Variants in CLSTN2 observed in about 807,000 individuals in gnomAD.
CLSTN2 encodes the protein calsyntenin-2.
CLSTN2 carries 48 observed loss-of-function variants against 101.2 expected under a neutral mutation model. The ratio of observed to expected loss-of-function variants is 0.47; its 90% confidence interval spans 0.38 to 0.60. CLSTN2 has a LOEUF of 0.60. CLSTN2 is among the 20% of genes least tolerant of loss of function. The pLI is 0.00. For missense variants in CLSTN2, 1,160 were observed against 1,238.2 expected (o/e 0.94, Z 0.95); for synonymous variants, 481 against 463.6 (o/e 1.04, Z -0.48).
At chr3:140,314,448 G>A (rs1276304232) in intron 2 of CLSTN2, among the ~76,000 whole-genome samples, 1 of 152,038 alleles carries the variant, frequency 6.6e-6, no homozygotes, top group Non-Finnish European at 1.5e-5. Context: ...CCGTTATACT[G>A]GATGAGAGCT....
At chr3:140,169,605 G>C (rs2010182805) in intron 1 of CLSTN2, among the ~76,000 whole-genome samples, 1 of 152,024 alleles carries the variant, frequency 6.6e-6, no homozygotes, top group Non-Finnish European at 1.5e-5. Flanking sequence ...ATAGGTTTTT[G>C]TAAAAGTTCT....
intron 2 of CLSTN2, among the ~76,000 whole-genome samples, chr3:140,273,357 A>T (rs2086762419): frequency 6.6e-6 from 1 of 152,110 alleles, no homozygotes; most frequent in Non-Finnish European, 1.5e-5. Flanking sequence ...CTGCACATGT[A>T]TCTGGAACTT....
intron 2 of CLSTN2, among the ~76,000 whole-genome samples, chr3:140,208,803 C>T (rs960011952): frequency 5.3e-5 from 8 of 152,022 alleles, no homozygotes; most frequent in East Asian, 1.9e-4. Context: ...ACATAAAGGC[C>T]GTGTGACTTG....
At chr3:140,160,138 C>T (rs1303333973) in intron 1 of CLSTN2, among the ~76,000 whole-genome samples, 2 of 151,990 alleles carry the variant, frequency 1.3e-5, no homozygotes, top group Admixed American at 6.6e-5. Flanking sequence ...CAAACCTGCA[C>T]ATATACCCCG....
Position 139,935,962 on chromosome 3 carries a change from C to T in CLSTN2, c.109+479C>T, listed in dbSNP as rs954943963. On this transcript the variant is annotated intron_variant, in intron 1 of 16. Transcript: ENST00000458420. This position sits in a 1 kb window ranked among gnomAD's most constrained non-coding sequence, Gnocchi z 5.5. ...AACTTGTAGGCTCCAGGGAAGGCCC[C>T]GCTGACACTCCTCAAGCTCCCCCAG... Among the ~76,000 whole-genome samples the T allele has an allele frequency of 1.3e-5, 2 of 151,984 alleles. No individual in the cohort carries two copies. The highest frequency in any genetic ancestry group is 4.8e-5 in the African/African-American group (2 of 41,360).
chr3:140,168,670 TG>T (rs1436122915), intron 1 of CLSTN2, among the ~76,000 whole-genome samples: 1 of 152,138 alleles, frequency 6.6e-6, no homozygotes, highest in African/African-American at 2.4e-5. Context: ...AGATAATTTT[TG>T]TTTGTATAGC....
chr3:140,318,232 C>T (rs568770144), intron 2 of CLSTN2, among the ~76,000 whole-genome samples: 114 of 152,140 alleles, frequency 7.5e-4, no homozygotes, highest in Admixed American at 1.7e-3. Context: ...CAAAGACAGA[C>T]GTGTGGTCCA....
chr3:140,241,465 A>T (rs899341144), intron 2 of CLSTN2, among the ~76,000 whole-genome samples: 1 of 152,106 alleles, frequency 6.6e-6, no homozygotes. Flanking sequence ...GAGAATAAAC[A>T]TGTAAGAAAT....
At chr3:140,329,939 C>A (rs1322287240) in intron 2 of CLSTN2, among the ~76,000 whole-genome samples, 1 of 152,166 alleles carries the variant, frequency 6.6e-6, no homozygotes, top group Non-Finnish European at 1.5e-5. Context: ...GGAGGAATGG[C>A]CCTGAGTGCC....
chr3:140,407,479 T>G (rs1393822586), intron 4 of CLSTN2, among the ~76,000 whole-genome samples: 1 of 152,166 alleles, frequency 6.6e-6, no homozygotes, highest in African/African-American at 2.4e-5. Flanking sequence ...CCCCATGAAA[T>G]TATGGCATTA....
chr3:139,983,749 A>C (rs1935974684), intron 1 of CLSTN2, among the ~76,000 whole-genome samples: 1 of 152,178 alleles, frequency 6.6e-6, no homozygotes, highest in Non-Finnish European at 1.5e-5. Flanking sequence ...TAAAAAAATC[A>C]ACCTCCAAAT....
chr3:140,532,624 A>G (rs551969883), intron 9 of CLSTN2, 138 bp downstream of exon 9: 22 of 592,524 alleles, frequency 3.7e-5, no homozygotes, highest in Non-Finnish European at 5.1e-5. Flanking sequence ...AATTCAAGAC[A>G]TATAAAAATA....
chr3:140,455,261 C>G (rs1576577137), intron 6 of CLSTN2, among the ~76,000 whole-genome samples: 1 of 152,208 alleles, frequency 6.6e-6, no homozygotes, highest in Non-Finnish European at 1.5e-5. Flanking sequence ...CTTTCTCATG[C>G]CCAGAGGTGG....
chr3:140,147,798 T>C (rs1560109217), intron 1 of CLSTN2, among the ~76,000 whole-genome samples: 1 of 152,208 alleles, frequency 6.6e-6, no homozygotes, highest in East Asian at 1.9e-4. Context: ...GTATTGACTG[T>C]GTGCTGGCCA....
chr3:140,554,606 C>T lies in CLSTN2; in HGVS notation c.1675-1907C>T, dbSNP rs184951808. Among the ~76,000 whole-genome samples, 20 of 152,294 alleles carry T rather than the reference C, an allele frequency of 1.3e-4. No individual in the cohort carries two copies. In the East Asian group the frequency reaches 3.9e-3, roughly 29 times the overall value. Reference sequence around the variant, plus strand: ...TCTCTAGCAATGGAGAAGTTGGCAACATTTATCCAAGTTAAAAGTGCATAT... The same window carrying T: ...TCTCTAGCAATGGAGAAGTTGGCAATATTTATCCAAGTTAAAAGTGCATAT... On this transcript the variant is annotated intron_variant, in intron 10 of 16. Transcript: ENST00000458420.
At chr3:140,368,917 G>A (rs1467897217) in intron 2 of CLSTN2, among the ~76,000 whole-genome samples, 1 of 152,108 alleles carries the variant, frequency 6.6e-6, no homozygotes, top group Non-Finnish European at 1.5e-5. Context: ...GGTGTTCTGG[G>A]TAACCTTTAA....
At chr3:140,245,769 C>T (rs745424705) in intron 2 of CLSTN2, among the ~76,000 whole-genome samples, 1 of 152,162 alleles carries the variant, frequency 6.6e-6, no homozygotes, top group Non-Finnish European at 1.5e-5. Context: ...TGGGACAGTG[C>T]CCTGCTCTGA....
intron 8 of CLSTN2, among the ~76,000 whole-genome samples, chr3:140,520,341 GACTT>G (rs1311655430): frequency 2.0e-5 from 3 of 152,304 alleles, no homozygotes; most frequent in Non-Finnish European, 4.4e-5. Flanking sequence ...AGATTTAATT[GACTT>G]ACTTACCATT....
chr3:140,425,565 C>T (rs190772853), intron 5 of CLSTN2, among the ~76,000 whole-genome samples: 62 of 152,330 alleles, frequency 4.1e-4, no homozygotes, highest in African/African-American at 1.5e-3. Flanking sequence ...AGGGCGGAAC[C>T]ACACTTCTTG....
Sources: gnomAD v4.1 joint callset for allele counts (sites outside exome capture counted in the v4.1 genomes callset) on GRCh38, gnomAD v4.1.1 for gene constraint, Gnocchi (gnomAD v3.1) non-coding constraint, MANE v1.5 for transcripts, NCBI Gene and HGNC (gene_info 2026-07-23, HGNC 2026-07-21) for gene names.